The following ANKS6 variants were observed in gnomAD, a reference collection of about 807,000 sequenced individuals.
ANKS6 encodes ankyrin repeat and SAM domain-containing protein 6.
In ANKS6, 47 loss-of-function variants were observed where a neutral mutation model predicts 77.9. The ratio of observed to expected loss-of-function variants is 0.60; its 90% CI spans 0.48 to 0.77. The LOEUF (loss-of-function observed/expected upper bound fraction) is 0.77. Among genes scored for constraint, ANKS6 ranks in the 30% least tolerant of loss-of-function variants. ANKS6 has a pLI of 0.00. For missense variants in ANKS6, 1,150 were observed against 1,159.1 expected (o/e 0.99, Z 0.11); for synonymous variants, 488 against 501.7 (o/e 0.97, Z 0.37).
At chr9:98,747,515 G>A (rs1372082343) in intron 13 of ANKS6, among the ~76,000 whole-genome samples, 2 of 152,062 alleles carry the variant, frequency 1.3e-5, no homozygotes, top group East Asian at 3.9e-4. Context: ...GGCATCTCCT[G>A]GGTGTTTTAT....
intron 13 of ANKS6, among the ~76,000 whole-genome samples, chr9:98,748,722 C>T (rs1212138252): frequency 6.6e-6 from 1 of 152,136 alleles, no homozygotes; most frequent in Non-Finnish European, 1.5e-5. Context: ...GACTCATCTC[C>T]AAACTTTTTG....
At chr9:98,766,534 G>C (rs1004825058) in intron 11 of ANKS6, among the ~76,000 whole-genome samples, 1 of 152,100 alleles carries the variant, frequency 6.6e-6, no homozygotes, top group Non-Finnish European at 1.5e-5. Flanking sequence ...ATATATCAAA[G>C]TATCAGTAGA....
At chr9:98,769,944 A>C (rs1023925678) in intron 10 of ANKS6, among the ~76,000 whole-genome samples, 4 of 152,210 alleles carry the variant, frequency 2.6e-5, no homozygotes, top group African/African-American at 9.7e-5. Flanking sequence ...GGTAATGATG[A>C]TCTGTAGTGG....
rs1831415363 is a variant in ANKS6, at chr9:98,734,971, C to T, written c.*1548G>A. ...GGCAGGGGAAGAAAACTACGAGGCT[C>T]TGGGCAGTAAGTTAACGACAGCCTC... is the stretch of plus-strand genomic sequence containing the variant. On this transcript the variant is annotated 3_prime_UTR_variant, in exon 15 of 15. Coordinates refer to ENST00000353234, the MANE Select transcript of ANKS6 (RefSeq NM_173551.5). The T allele has an allele frequency of 6.1e-6, 6 of 985,294 alleles. No individual in the cohort carries two copies. Among genetic ancestry groups the T allele is most frequent in the Non-Finnish European group, 7.2e-6 (6 of 829,950 alleles). 61.0% of individuals were successfully genotyped at this position (985,294 alleles called of 1,614,324 possible). A position where few individuals can be genotyped will look rare whatever the true frequency, so the allele number is the denominator to read the frequency against.
At chr9:98,768,367 A>G (rs565798622) in intron 10 of ANKS6, 117 bp from the exon 11 acceptor site, 8 of 1,280,114 alleles carry the variant, frequency 6.2e-6, no homozygotes, top group East Asian at 2.3e-5. Context: ...TCCCTTCCCC[A>G]TGTGGCTCCA....
intron 2 of ANKS6, among the ~76,000 whole-genome samples, chr9:98,786,395 G>A (rs548769358): frequency 5.9e-5 from 9 of 151,706 alleles, no homozygotes; most frequent in Non-Finnish European, 8.8e-5. Context: ...GGGTTCAAGC[G>A]ATTCTCCTGC....
At chr9:98,793,146 G>A (rs1330446670) in intron 1 of ANKS6, among the ~76,000 whole-genome samples, 2 of 152,228 alleles carry the variant, frequency 1.3e-5, no homozygotes, top group Non-Finnish European at 2.9e-5. Context: ...CCACTGGCAG[G>A]CAGGAAATGA....
Position 98,735,245 on chromosome 9 carries a change from C to T in ANKS6, c.*1274G>A. The T allele has an allele frequency of 1.0e-6, 1 of 987,530 alleles. No homozygotes were observed. The highest frequency in any genetic ancestry group is 6.1e-5 in the Admixed American group (1 of 16,340). The allele number at this position is 987,530 out of a possible 1,614,324, so 61.2% of individuals were successfully genotyped here. A position where few individuals can be genotyped will look rare whatever the true frequency, so the allele number is the denominator to read the frequency against. On this transcript the variant is annotated 3_prime_UTR_variant, in exon 15 of 15. Coordinates refer to ENST00000353234, the MANE Select transcript of ANKS6 (RefSeq NM_173551.5). ...CTGAGTCCAGAGCACAAGGTCTGCC[C>T]ACTCTACCATGCTGCCTCTCAATGT...
In ANKS6 at chr9:98,778,522, T is replaced by G. The variant is rs1834047836; in HGVS notation, c.1369-98A>C. The G allele has an allele frequency of 7.0e-6, 8 of 1,147,896 alleles. No homozygotes were observed. In the South Asian group the frequency reaches 1.2e-4, roughly 17 times the overall value. 71.1% of individuals were successfully genotyped at this position (1,147,896 alleles called of 1,614,324 possible). ...CAGAGACAGTGACTACATTCACATG[T>G]GCCTGCCCTCCCCTCTCCTGGGGCC... On this transcript the variant is annotated intron_variant, in intron 6 of 14. Coordinates refer to ENST00000353234, the MANE Select transcript of ANKS6 (RefSeq NM_173551.5).
intron 2 of ANKS6, among the ~76,000 whole-genome samples, chr9:98,785,172 A>C (rs887669109): frequency 1.3e-5 from 2 of 152,260 alleles, no homozygotes; most frequent in Admixed American, 6.5e-5. Context: ...ACGTTGGCAT[A>C]TCCTTTCTTA....
At chr9:98,756,108 G>A (rs552785693) in intron 12 of ANKS6, among the ~76,000 whole-genome samples, 82 of 152,244 alleles carry the variant, frequency 5.4e-4, no homozygotes, top group Admixed American at 2.3e-3. Flanking sequence ...ACAACTGAAA[G>A]AATCCTGACA....
chr9:98,779,732 C>A (rs563761433), intron 6 of ANKS6, among the ~76,000 whole-genome samples: 6 of 151,930 alleles, frequency 3.9e-5, no homozygotes, highest in African/African-American at 1.5e-4. Context: ...GGCGCGATCT[C>A]GACTCACTGC....
intron 1 of ANKS6, among the ~76,000 whole-genome samples, chr9:98,794,515 C>G (rs2118204524): frequency 6.6e-6 from 1 of 152,338 alleles, no homozygotes; most frequent in South Asian, 2.1e-4. Flanking sequence ...CAGCAGAAAG[C>G]TGGAGCACAA....
intron 9 of ANKS6, among the ~76,000 whole-genome samples, chr9:98,771,637 T>C (rs1422457222): frequency 6.6e-6 from 1 of 152,224 alleles, no homozygotes; most frequent in African/African-American, 2.4e-5. Flanking sequence ...GGTTTCCTGC[T>C]GATCTTTTTT....
Position 98,783,969 on chromosome 9 carries a change from G to T in ANKS6, c.1096C>A (p.Gln366Lys). The change falls in exon 4 of 15, where the codon CAG becomes AAG. Residue 366 changes from glutamine to lysine, a missense_variant. Transcript: ENST00000353234. ...GGCACTGACCCATGGTAGGTTGCCT[G>T]CATGAGGGCCGTCCAGCCATGCACG... ...DSVHGWTALM[Q>K]ATYHGNKEIV... 6.3e-7 allele frequency: 1 copy of T among 1,598,040 alleles called. No homozygotes were observed. Among genetic ancestry groups the T allele is most frequent in the Non-Finnish European group, 8.5e-7 (1 of 1,173,254 alleles).
At chr9:98,767,043 C>T (rs1388915647) in intron 11 of ANKS6, among the ~76,000 whole-genome samples, 1 of 152,210 alleles carries the variant, frequency 6.6e-6, no homozygotes, top group Non-Finnish European at 1.5e-5. Flanking sequence ...GGGGCTCACC[C>T]AGAAATCAAC....
At chr9:98,783,601 GCTACTTAAGGAGGTCACTATATCT>G (rs2118125635) in intron 4 of ANKS6, 1 of 189,116 alleles carries the variant, frequency 5.3e-6, no homozygotes, top group South Asian at 1.9e-4. Flanking sequence ...TCATACAGGA[GCTACTTAAGGAGGTCACTATATCT>G]CAATGTGAAA....
rs780554387 is a variant in ANKS6, at chr9:98,736,557, T to C, written c.2578A>G (p.Ser860Gly). ...CTGTTGCCAGGGGCCCTGGTGTTGC[T>C]GGCACTGCTCTCAAAGGAAGAGTGA... is the stretch of plus-strand genomic sequence containing the variant. ...NFHSSFESSA[S>G]NTRAPGNSPC... Residue 860 changes from serine to glycine, a missense_variant, in exon 15 of 15, where the codon AGC (serine) becomes GGC (glycine). Physicochemically the swap from Ser to Gly is moderately conservative, Grantham distance 56. Transcript: ENST00000353234. The C allele has an allele frequency of 2.4e-5, 38 of 1,613,620 alleles. No individual in the cohort carries two copies. Among genetic ancestry groups the C allele is most frequent in the Non-Finnish European group, 3.2e-5 (38 of 1,179,850 alleles).
intron 1 of ANKS6, among the ~76,000 whole-genome samples, chr9:98,793,785 G>A (rs989893346): frequency 4.6e-5 from 7 of 150,652 alleles, no homozygotes; most frequent in Non-Finnish European, 8.9e-5. Flanking sequence ...TGCCCGCCTC[G>A]GCCTCCCAAA....
Sources: gnomAD v4.1 joint callset for allele counts (sites outside exome capture counted in the v4.1 genomes callset) on GRCh38, gnomAD v4.1.1 for gene constraint, MANE v1.5 for transcripts, NCBI Gene and HGNC (gene_info 2026-07-23, HGNC 2026-07-21) for gene names.